UBE2U: variants seen among roughly 807,000 people sequenced by gnomAD.
UBE2U encodes the protein ubiquitin conjugating enzyme E2 U.
In UBE2U, 39 loss-of-function variants were observed where a neutral mutation model predicts 41.2. The observed-to-expected ratio is 0.95, with a 90% CI of 0.73 to 1.24. The LOEUF is 1.24. Ranked by LOEUF, UBE2U falls within the 50% of genes most tolerant of loss-of-function variation. The pLI is 0.00. For missense variants in UBE2U, 336 were observed against 363.1 expected, an observed-to-expected ratio of 0.93 and a Z score of 0.61; for synonymous variants, 107 against 117.8, an observed-to-expected ratio of 0.91 and a Z score of 0.60.
intron 8 of UBE2U, among the ~76,000 whole-genome samples, chr1:64,250,716 T>C (rs1644993637): frequency 6.6e-6 from 1 of 152,114 alleles, no homozygotes; most frequent in Non-Finnish European, 1.5e-5. Flanking sequence ...ATATACACCA[T>C]GGAATACTAT....
chr1:64,258,613 T>C (rs1038839442), intron 8 of UBE2U, among the ~76,000 whole-genome samples: 1 of 152,098 alleles, frequency 6.6e-6, no homozygotes, highest in Non-Finnish European at 1.5e-5. Flanking sequence ...AGAATGATAG[T>C]TTCCAGCTTC....
chr1:64,260,658 C>T lies in UBE2U; in HGVS notation c.733C>T (p.His245Tyr). ...AAAAAGAATGCCTCATGAAGTCACT[C>T]ACTCAATGGAAGAAATTAAGCTCTG... ...ARKRMPHEVT[H>Y]SMEEIKLCPT... The change falls in exon 9 of 10, where the codon CAC (histidine) becomes TAC (tyrosine). Residue 245 changes from histidine to tyrosine, a missense_variant. Coordinates refer to ENST00000371077, the MANE Select transcript of UBE2U (RefSeq NM_001366232.2). The T allele has an allele frequency of 6.5e-7, 1 of 1,549,680 alleles. No individual in the cohort carries two copies. Among genetic ancestry groups the T allele is most frequent in the East Asian group, 2.5e-5 (1 of 40,810 alleles).
chr1:64,254,092 G>T (rs1277099732), intron 8 of UBE2U, among the ~76,000 whole-genome samples: 3 of 152,006 alleles, frequency 2.0e-5, no homozygotes, highest in Non-Finnish European at 4.4e-5. Flanking sequence ...ATGGAAAACA[G>T]AAAAAGGCAG....
At position 64,232,650 on chromosome 1, in the gene UBE2U, G is replaced by A; in HGVS notation, c.595+1G>A. ...GCCACAGAATACTACAGAACTCCAT[G>A]TAAGGTGAACTATCCTTATCCTATG... On this transcript the variant is annotated splice_donor_variant, in intron 7 of 9. Transcript: ENST00000371077. LOFTEE classifies it high-confidence loss of function. 6.2e-7 allele frequency: 1 copy of A among 1,609,224 alleles called. No individual in the cohort carries two copies. Among genetic ancestry groups the A allele is most frequent in the Non-Finnish European group, 8.5e-7 (1 of 1,176,360 alleles).
rs767392088 is a variant in UBE2U at position 64,205,699 on chromosome 1, C to G, written c.127C>G (p.Leu43Val). The G allele has an allele frequency of 6.2e-7, 1 of 1,613,016 alleles. No homozygotes were observed. The highest frequency in any genetic ancestry group is 1.1e-5 in the South Asian group (1 of 90,898). The change falls in exon 2 of 10, where the codon CTA (leucine) becomes GTA (valine). Residue 43 changes from leucine (L) to valine (V), a missense_variant. Physicochemically the swap from Leu to Val is conservative, Grantham distance 32. Transcript: ENST00000371077. ...GGAATGGGAAGTTGAAATTGAAGGT[C>G]TACAGAATTCAGTTTGGCAGGGTTT... ...MMEWEVEIEG[L>V]QNSVWQGLVF...
intron 9 of UBE2U, among the ~76,000 whole-genome samples, chr1:64,264,146 G>A (rs1345804373): frequency 6.6e-6 from 1 of 152,180 alleles, no homozygotes; most frequent in Non-Finnish European, 1.5e-5. Context: ...AAACAGGACT[G>A]AATAGAAATA....
intron 6 of UBE2U, among the ~76,000 whole-genome samples, chr1:64,230,881 G>A (rs1006993140): frequency 6.6e-6 from 1 of 151,948 alleles, no homozygotes; most frequent in Non-Finnish European, 1.5e-5. Flanking sequence ...TATTCATGAC[G>A]TCAATGATAA....
chr1:64,249,209 T>A (rs1391730738), intron 8 of UBE2U, among the ~76,000 whole-genome samples: 4 of 151,692 alleles, frequency 2.6e-5, no homozygotes, highest in Non-Finnish European at 4.4e-5. Flanking sequence ...AAACCCTGTC[T>A]CTATTAAAAA....
At chr1:64,261,546 C>A (rs910509917) in intron 9 of UBE2U, among the ~76,000 whole-genome samples, 1 of 152,192 alleles carries the variant, frequency 6.6e-6, no homozygotes, top group Non-Finnish European at 1.5e-5. Context: ...GCCCCCGTAT[C>A]TCCAAGTTTC....
chr1:64,230,026 C>T (rs541582412), intron 6 of UBE2U, among the ~76,000 whole-genome samples: 15 of 152,314 alleles, frequency 9.8e-5, no homozygotes, highest in African/African-American at 3.1e-4. Flanking sequence ...AACAGCAAAA[C>T]GAACCAGATT....
At chr1:64,240,728 ATTG>A (rs1490795396) in intron 7 of UBE2U, among the ~76,000 whole-genome samples, 1 of 152,132 alleles carries the variant, frequency 6.6e-6, no homozygotes, top group African/African-American at 2.4e-5. Context: ...TTTCTTCATT[ATTG>A]TTGCTCAAAA....
chr1:64,249,377 C>CAAAAAA (rs71584441), intron 8 of UBE2U, among the ~76,000 whole-genome samples: 1 of 67,336 alleles, frequency 1.5e-5, no homozygotes, highest in African/African-American at 5.8e-5. Context: ...GACTCTGTCT[C>CAAAAAA]AAAAAAAAAA....
intron 6 of UBE2U, among the ~76,000 whole-genome samples, chr1:64,225,700 C>T (rs555362648): frequency 3.2e-4 from 48 of 152,122 alleles, no homozygotes; most frequent in Non-Finnish European, 5.1e-4. Flanking sequence ...AGGCTTGCGC[C>T]GAAGGAGAAT....
At chr1:64,233,417 C>T (rs1163384016) in intron 7 of UBE2U, among the ~76,000 whole-genome samples, 1 of 152,114 alleles carries the variant, frequency 6.6e-6, no homozygotes, top group Non-Finnish European at 1.5e-5. Context: ...ATACAAAGTT[C>T]TTTTGTATAG....
At chr1:64,237,707 AT>A (rs1240047273) in intron 7 of UBE2U, among the ~76,000 whole-genome samples, 1 of 152,112 alleles carries the variant, frequency 6.6e-6, no homozygotes, top group Non-Finnish European at 1.5e-5. Flanking sequence ...AAAATATGAG[AT>A]GTGTTAAAAT....
At chr1:64,238,732 G>A (rs1284965666) in intron 7 of UBE2U, among the ~76,000 whole-genome samples, 2 of 151,888 alleles carry the variant, frequency 1.3e-5, no homozygotes, top group African/African-American at 2.4e-5. Context: ...AAAGGGGTAA[G>A]TTCATCATTA....
intron 7 of UBE2U, among the ~76,000 whole-genome samples, chr1:64,239,168 AG>A (rs1433878362): frequency 2.8e-5 from 2 of 72,264 alleles, no homozygotes; most frequent in South Asian, 6.1e-4. Context: ...AAGAAGAAGA[AG>A]AAGAAGAAGA....
intron 9 of UBE2U, among the ~76,000 whole-genome samples, chr1:64,265,803 C>T (rs1030809325): frequency 9.2e-5 from 14 of 152,186 alleles, no homozygotes; most frequent in East Asian, 3.9e-4. Flanking sequence ...GTCTCGAACC[C>T]GTGACCTCAA....
At chr1:64,221,248 A>G (rs1652436128) in intron 6 of UBE2U, among the ~76,000 whole-genome samples, 1 of 152,070 alleles carries the variant, frequency 6.6e-6, no homozygotes, top group Non-Finnish European at 1.5e-5. Context: ...AGTAGCTGCA[A>G]TTATAGGCAC....
Sources: allele counts gnomAD v4.1 joint callset (sites outside exome capture counted in the v4.1 genomes callset), GRCh38; gene constraint gnomAD v4.1.1; transcripts MANE v1.5; gene names NCBI Gene and HGNC (gene_info 2026-07-23, HGNC 2026-07-21).